Variants in PCGF5 observed in about 807,000 individuals in gnomAD.
The protein encoded by PCGF5 is polycomb group ring finger 5.
In PCGF5, 9 loss-of-function variants were observed where a neutral mutation model predicts 44.3. That is an observed-to-expected ratio of 0.20 (90% CI 0.12 to 0.35). PCGF5 has a LOEUF of 0.35. Ranked by LOEUF, PCGF5 falls within the 10% of genes least tolerant of loss-of-function variation. The probability of loss-of-function intolerance (pLI) is 1.00; values close to 1 mark genes in which losing one functional copy is unlikely to be tolerated. For synonymous variants in PCGF5, 95 were observed against 102.5 expected, an observed-to-expected ratio of 0.93 and a Z score of 0.44; for missense variants, 146 against 305.3, an observed-to-expected ratio of 0.48 and a Z score of 3.89.
chr10:91,180,274 A>C (rs1333320981), intron 1 of PCGF5, among the ~76,000 whole-genome samples: 3 of 152,008 alleles, frequency 2.0e-5, no homozygotes, highest in Admixed American at 1.3e-4. Flanking sequence ...GGTTGCAAAA[A>C]TTTTCTCCCA....
At chr10:91,163,742 C>G (rs1267972341) in intron 1 of PCGF5, among the ~76,000 whole-genome samples, 1 of 151,650 alleles carries the variant, frequency 6.6e-6, no homozygotes, top group Admixed American at 6.6e-5. Flanking sequence ...TGGCCTTCCG[C>G]GAGTGGCAGG....
intron 1 of PCGF5, among the ~76,000 whole-genome samples, chr10:91,195,475 T>TATATATATGCATGC (rs1844115198): frequency 9.3e-6 from 1 of 107,772 alleles, no homozygotes; most frequent in African/African-American, 3.7e-5. Context: ...TGCATGCATA[T>TATATATATGCATGC]ATATATATAT....
intron 1 of PCGF5, among the ~76,000 whole-genome samples, chr10:91,214,564 T>C (rs964342075): frequency 5.9e-5 from 9 of 152,228 alleles, no homozygotes; most frequent in Non-Finnish European, 1.2e-4. Context: ...TCCAGGCATA[T>C]ACAGGAGTAA....
chr10:91,230,149 C>G (rs1844961456), intron 2 of PCGF5, among the ~76,000 whole-genome samples: 1 of 152,104 alleles, frequency 6.6e-6, no homozygotes, highest in Non-Finnish European at 1.5e-5. Flanking sequence ...CACTAAAGCA[C>G]ACAACCAAAG....
Position 91,278,676 on chromosome 10 carries a change from G to T in PCGF5, c.*360G>T. 1 of 213,428 alleles carries T rather than the reference G, an allele frequency of 4.7e-6. No homozygotes were observed. The highest frequency in any genetic ancestry group is 9.3e-6 in the Non-Finnish European group (1 of 107,768). 13.2% of individuals were successfully genotyped at this position (213,428 alleles called of 1,614,324 possible). The stretch of plus-strand genomic sequence containing the variant: ...CTAGTAAAATGGCTCAATTTTTGTG[G>T]TGTTGCAGTTTTCACATACTTACTC... On this transcript the variant is annotated 3_prime_UTR_variant, in exon 10 of 10. Transcript: ENST00000336126.
chr10:91,221,960 C>G (rs1040554426), intron 1 of PCGF5, among the ~76,000 whole-genome samples: 1 of 152,110 alleles, frequency 6.6e-6, no homozygotes, highest in Non-Finnish European at 1.5e-5. Context: ...GGCATGCAGA[C>G]AGAGGAGAGA....
chr10:91,283,188 C>T lies in PCGF5; in HGVS notation c.*4872C>T, dbSNP rs546887183. 3.9e-5 allele frequency: 6 copies of T among 152,266 alleles called. No individual in the cohort carries two copies. The highest frequency in any genetic ancestry group is 1.4e-4 in the African/African-American group (6 of 41,550). 9.4% of individuals were successfully genotyped at this position (152,266 alleles called of 1,614,324 possible). On this transcript the variant is annotated 3_prime_UTR_variant, in exon 10 of 10. Coordinates refer to ENST00000336126, the MANE Select transcript of PCGF5 (RefSeq NM_032373.5). ...AAGTAATTCTCTTCCTAGTATAATA[C>T]AGTTTTCATAAATAATGTTTACTTG... is the stretch of plus-strand genomic sequence containing the variant.
intron 1 of PCGF5, among the ~76,000 whole-genome samples, chr10:91,206,204 G>A (rs1303333672): frequency 6.6e-6 from 1 of 152,022 alleles, no homozygotes; most frequent in Non-Finnish European, 1.5e-5. Flanking sequence ...GAACAGGGTA[G>A]CTCCTGCCGT....
chr10:91,204,401 T>C (rs1264275212), intron 1 of PCGF5, among the ~76,000 whole-genome samples: 6 of 152,232 alleles, frequency 3.9e-5, no homozygotes, highest in Admixed American at 3.9e-4. Context: ...AACTGTCTTA[T>C]ATACTTTTAA....
chr10:91,238,610 T>C (rs796187678), intron 2 of PCGF5, among the ~76,000 whole-genome samples: 8 of 128,754 alleles, frequency 6.2e-5, no homozygotes, highest in African/African-American at 1.8e-4. Context: ...TCTTTTTTTT[T>C]TTTTTTTTTT....
intron 1 of PCGF5, among the ~76,000 whole-genome samples, chr10:91,177,126 T>A (rs1343216068): frequency 6.6e-6 from 1 of 152,236 alleles, no homozygotes; most frequent in Non-Finnish European, 1.5e-5. Context: ...CTTCTAACAG[T>A]CAGGACCCTC....
intron 1 of PCGF5, among the ~76,000 whole-genome samples, chr10:91,178,777 AATGT>A (rs2133186599): frequency 6.6e-6 from 1 of 152,144 alleles, no homozygotes; most frequent in East Asian, 1.9e-4. Context: ...TAAAAAAAAA[AATGT>A]AATGATGATG....
At chr10:91,255,599 T>C (rs755930607) in intron 6 of PCGF5, among the ~76,000 whole-genome samples, 9 of 152,142 alleles carry the variant, frequency 5.9e-5, no homozygotes, top group Non-Finnish European at 1.2e-4. Context: ...CATTATTAGC[T>C]GACCTCTAGG....
intron 1 of PCGF5, among the ~76,000 whole-genome samples, chr10:91,185,284 G>A (rs891749931): frequency 3.9e-5 from 6 of 152,196 alleles, no homozygotes; most frequent in Non-Finnish European, 8.8e-5. Flanking sequence ...TAAAGAAGCA[G>A]TCTGGCCATG....
intron 1 of PCGF5, among the ~76,000 whole-genome samples, chr10:91,201,441 T>A (rs1844250068): frequency 6.6e-6 from 1 of 152,180 alleles, no homozygotes; most frequent in South Asian, 2.1e-4. Flanking sequence ...TATCAGCACA[T>A]GAAATTTGGG....
chr10:91,226,885 C>T (rs1844854757), intron 2 of PCGF5, among the ~76,000 whole-genome samples: 1 of 151,994 alleles, frequency 6.6e-6, no homozygotes, highest in African/African-American at 2.4e-5. Flanking sequence ...ATACCTCTTC[C>T]CTTCAGTAGG....
At chr10:91,245,212 G>A (rs1403449889) in intron 3 of PCGF5, among the ~76,000 whole-genome samples, 2 of 152,146 alleles carry the variant, frequency 1.3e-5, no homozygotes, top group African/African-American at 4.8e-5. Context: ...TAGAAGTCAA[G>A]TGAAGATAGT....
upstream of PCGF5, among the ~76,000 whole-genome samples, chr10:91,161,920 A>T (rs1366511243): frequency 6.6e-6 from 1 of 152,086 alleles, no homozygotes; most frequent in Non-Finnish European, 1.5e-5. Flanking sequence ...GAGAGGGTAC[A>T]GCACATGCAC....
At chr10:91,166,405 G>T (rs1843500700) in intron 1 of PCGF5, among the ~76,000 whole-genome samples, 1 of 152,140 alleles carries the variant, frequency 6.6e-6, no homozygotes, top group Non-Finnish European at 1.5e-5. Context: ...TTTAGGAAGT[G>T]AAAAAGCAGG....
Sources: allele counts gnomAD v4.1 joint callset (sites outside exome capture counted in the v4.1 genomes callset), GRCh38; gene constraint gnomAD v4.1.1; transcripts MANE v1.5; gene names NCBI Gene and HGNC (gene_info 2026-07-23, HGNC 2026-07-21).